The following C1orf159 variants were observed in gnomAD, a reference collection of about 807,000 sequenced individuals.
C1orf159 encodes the protein chromosome 1 open reading frame 159.
Under a neutral mutation model 25.6 loss-of-function variants are expected in C1orf159, and 19 were observed. The observed-to-expected ratio is 0.74, with a 90% CI of 0.52 to 1.09. The LOEUF (loss-of-function observed/expected upper bound fraction) is 1.09. Among genes scored for constraint, C1orf159 ranks in the 50% least tolerant of loss-of-function variants. C1orf159 has a pLI of 0.00. For missense variants in C1orf159, 274 were observed against 290.6 expected (o/e 0.94, Z 0.42); for synonymous variants, 139 against 124.7 (o/e 1.12, Z -0.77).
At chr1:1,113,527 G>A (rs1646290196) in intron 1 of C1orf159, among the ~76,000 whole-genome samples, 2 of 152,114 alleles carry the variant, frequency 1.3e-5, no homozygotes, top group Non-Finnish European at 2.9e-5. Flanking sequence ...CGAGTAGCTG[G>A]GACTGTTAGT....
At chr1:1,083,209 C>T (rs1398198104) in intron 9 of C1orf159, 1 of 521,172 alleles carries the variant, frequency 1.9e-6, no homozygotes, top group Non-Finnish European at 3.4e-6. Flanking sequence ...GCTGTGTCCT[C>T]TCATTTACAC....
chr1:1,093,798 C>A (rs1645973625), intron 1 of C1orf159, among the ~76,000 whole-genome samples: 2 of 152,208 alleles, frequency 1.3e-5, no homozygotes, highest in Non-Finnish European at 2.9e-5. Context: ...GTCTTCATTT[C>A]TCTTGGGAGC....
In C1orf159 at chr1:1,091,558, C is replaced by T. The variant is rs1281527720; in HGVS notation, c.-15G>A. The T allele has an allele frequency of 9.7e-6, 15 of 1,547,568 alleles. 1 individual carries two copies. Among genetic ancestry groups the T allele is most frequent in the Middle Eastern group, 2.0e-4 (1 of 5,120 alleles). Reference sequence around the variant, plus strand: ...CGCAGCGCCATGCCAGGAGCAGATGCGCAGAGCCTGCCACAGGGAGGAGCA... The same window carrying T: ...CGCAGCGCCATGCCAGGAGCAGATGTGCAGAGCCTGCCACAGGGAGGAGCA... On this transcript the variant is annotated 5_prime_UTR_variant, in exon 3 of 10. Transcript: ENST00000421241.
At chr1:1,090,949 T>C (rs1645920874) in intron 3 of C1orf159, 4 of 1,550,304 alleles carry the variant, frequency 2.6e-6, no homozygotes, top group Non-Finnish European at 3.5e-6. Flanking sequence ...ACCCTCAGCT[T>C]GTGTGTTGAT....
rs764630713 is a variant in C1orf159 at position 1,082,954 on chromosome 1, G to A, written c.536C>T (p.Pro179Leu). 6.2e-7 allele frequency: 1 copy of A among 1,603,054 alleles called. No individual in the cohort carries two copies. The highest frequency in any genetic ancestry group is 1.1e-5 in the South Asian group (1 of 89,168). The change falls in exon 10 of 10, where the codon CCC becomes CTC. Residue 179 changes from proline (P) to leucine (L), a missense_variant. Transcript: ENST00000421241. Reference protein sequence around the residue: ...RKPRYVRRERPLDRATDPAAF... With the variant: ...RKPRYVRRERLLDRATDPAAF... ...AGCGGGATCCGTGGCCCTGTCCAGG[G>A]GCCGCTCCCGCCTGACGTAGCGCGG...
intron 1 of C1orf159, among the ~76,000 whole-genome samples, chr1:1,099,678 G>A (rs796263275): frequency 0.014 from 1,218 of 88,364 alleles, no homozygotes; most frequent in African/African-American, 0.048. Context: ...GTCTGCTGAT[G>A]TTTTTGGTCT....
In C1orf159 at chr1:1,091,148, A is replaced by C. The variant is rs907645266; in HGVS notation, c.72+324T>G. On this transcript the variant is annotated intron_variant, in intron 3 of 9. Coordinates refer to ENST00000421241, the MANE Select transcript of C1orf159 (RefSeq NM_017891.5). ...CCGCCTGGGAGTCTGGAGCCGCCGC[A>C]GCTACACTCCCCGATAGCGATGCGC... 13 of 629,444 alleles carry C rather than the reference A, an allele frequency of 2.1e-5. No individual in the cohort carries two copies. In the Admixed American group the frequency reaches 2.6e-4, roughly 13 times the overall value. 39.0% of individuals were successfully genotyped at this position (629,444 alleles called of 1,614,324 possible). A position where few individuals can be genotyped will look rare whatever the true frequency, so the allele number is the denominator to read the frequency against.
At chr1:1,101,397 C>G in intron 1 of C1orf159, among the ~76,000 whole-genome samples, 1 of 152,234 alleles carries the variant, frequency 6.6e-6, no homozygotes, top group South Asian at 2.1e-4. Context: ...ACACAAGAAT[C>G]GCTTGAACCC....
chr1:1,091,467 C>T lies in C1orf159; in HGVS notation c.72+5G>A. ...GCCGCGTGGACACGTGAGGGGGGCA[C>T]CTACCGTGTTCTCCATGGACTTGCT... On this transcript the variant is annotated splice_donor_5th_base_variant and intron_variant, in intron 3 of 9. Transcript: ENST00000421241. The T allele has an allele frequency of 6.5e-7, 1 of 1,550,280 alleles. No homozygotes were observed. The highest frequency in any genetic ancestry group is 8.7e-7 in the Non-Finnish European group (1 of 1,146,806).
rs750931700 is a variant in C1orf159 at position 1,086,001 on chromosome 1, C to T, written c.322G>A (p.Val108Met). ...PGRPHPGAPRVAASLFLGTFF... is the reference protein window; with the variant it reads ...PGRPHPGAPRMAASLFLGTFF... Reference sequence around the variant, plus strand: ...GTGCCCAGGAAGAGGGAGGCGGCCACGCGCGGAGCCCCTGCAAACAGACAC... The same window carrying T: ...GTGCCCAGGAAGAGGGAGGCGGCCATGCGCGGAGCCCCTGCAAACAGACAC... The change falls in exon 7 of 10, where the codon GTG (valine) becomes ATG (methionine). Residue 108 changes from valine to methionine, a missense_variant. Transcript: ENST00000421241. 84 of 1,612,790 alleles carry T rather than the reference C, an allele frequency of 5.2e-5. No homozygotes were observed. Among genetic ancestry groups the T allele is most frequent in the Middle Eastern group, 1.6e-4 (1 of 6,062 alleles).
At chr1:1,096,351 G>T (rs2100757050) in intron 1 of C1orf159, among the ~76,000 whole-genome samples, 1 of 151,028 alleles carries the variant, frequency 6.6e-6, no homozygotes, top group East Asian at 2.0e-4. Context: ...AATTTTTTTT[G>T]TACACAGGGT....
At chr1:1,090,256 T>A in intron 4 of C1orf159, 97 bp downstream of exon 4, 1 of 1,244,982 alleles carries the variant, frequency 8.0e-7, no homozygotes, top group Non-Finnish European at 1.1e-6. Flanking sequence ...GCAGCACAGA[T>A]GAGCACTGTC....
intron 1 of C1orf159, among the ~76,000 whole-genome samples, chr1:1,114,209 AC>A (rs1646302598): frequency 6.6e-6 from 1 of 151,900 alleles, no homozygotes; most frequent in Non-Finnish European, 1.5e-5. Context: ...GGTGTGAGCC[AC>A]CGCGCACAGC....
At chr1:1,088,154 AC>A (rs1287144266) in intron 4 of C1orf159, among the ~76,000 whole-genome samples, 4 of 20,112 alleles carry the variant, frequency 2.0e-4, no homozygotes, top group African/African-American at 6.6e-4. Context: ...CTCCCCCAAG[AC>A]CCCCCCCACG....
chr1:1,083,274 G>A, intron 9 of C1orf159: 1 of 407,910 alleles, frequency 2.5e-6, no homozygotes, highest in Non-Finnish European at 4.4e-6. Flanking sequence ...CAGAGATGTG[G>A]GTCCCAGAGT....
At chr1:1,098,826 G>A (rs1052441398) in intron 1 of C1orf159, among the ~76,000 whole-genome samples, 5 of 152,074 alleles carry the variant, frequency 3.3e-5, no homozygotes, top group East Asian at 3.9e-4. Flanking sequence ...TGGCTAGGTC[G>A]GTCCTGAACT....
At chr1:1,111,307 C>T (rs894239599) in intron 1 of C1orf159, among the ~76,000 whole-genome samples, 5 of 148,800 alleles carry the variant, frequency 3.4e-5, no homozygotes, top group Admixed American at 6.7e-5. Flanking sequence ...GTGGGAGGAT[C>T]GCTTGAGCCC....
rs373202894 is a variant in C1orf159 at position 1,102,049 on chromosome 1, C to T, written c.-135-9946G>A. ...TCGCACCACTGCACTCCAGCCTGGG[C>T]GACAACAGCAAAACTCTGTCTCAAA... On this transcript the variant is annotated intron_variant, in intron 1 of 9. Coordinates refer to ENST00000421241, the MANE Select transcript of C1orf159 (RefSeq NM_017891.5). Among the ~76,000 whole-genome samples the T allele has an allele frequency of 1.2e-3, 138 of 116,390 alleles. 1 individual carries two copies. Among genetic ancestry groups the T allele is most frequent in the African/African-American group, 4.6e-3 (131 of 28,700 alleles). 76.4% of individuals were successfully genotyped at this position (116,390 alleles called of 152,430 possible).
chr1:1,089,170 C>T lies in C1orf159; in HGVS notation c.148+1183G>A, dbSNP rs989622150. On this transcript the variant is annotated intron_variant, in intron 4 of 9. Transcript: ENST00000421241. This position sits in a 1 kb window ranked among gnomAD's most constrained non-coding sequence, Gnocchi z 7.5. ...CGCAGGCCCGGCCCCTCCCCACGCG[C>T]GCCAGACGGTCCCCACCCTGCGCCT... is the stretch of plus-strand genomic sequence containing the variant. 1.4e-4 allele frequency among the ~76,000 whole-genome samples: 21 copies of T among 152,280 alleles called. No homozygotes were observed. The highest frequency in any genetic ancestry group is 1.9e-4 in the East Asian group (1 of 5,180).
Sources: gnomAD v4.1 joint callset for allele counts (sites outside exome capture counted in the v4.1 genomes callset) on GRCh38, gnomAD v4.1.1 for gene constraint, Gnocchi (gnomAD v3.1) non-coding constraint, MANE v1.5 for transcripts, NCBI Gene and HGNC (gene_info 2026-07-23, HGNC 2026-07-21) for gene names.